ZSCAN18: variants seen among roughly 807,000 people sequenced by gnomAD.
The protein encoded by ZSCAN18 is zinc finger and SCAN domain containing 18, also known as zinc finger and SCAN domain-containing protein 18.
A neutral mutation model predicts 31.1 loss-of-function variants in ZSCAN18; 16 were observed. That is an observed-to-expected ratio of 0.51 (90% CI 0.35 to 0.78). ZSCAN18 has a LOEUF of 0.78. Ranked by LOEUF, ZSCAN18 falls within the 30% of genes least tolerant of loss-of-function variation. ZSCAN18 has a pLI of 0.01. For synonymous variants in ZSCAN18, 375 were observed against 320.7 expected, an observed-to-expected ratio of 1.17 and a Z score of -1.81; for missense variants, 731 against 697.4, an observed-to-expected ratio of 1.05 and a Z score of -0.54.
rs2074248587 is a variant in ZSCAN18 at position 58,085,240 on chromosome 19, TTCC to T, written c.975_977del (p.Glu327del). 1 of 1,607,060 alleles carries T rather than the reference TTCC, an allele frequency of 6.2e-7. No homozygotes were observed. The highest frequency in any genetic ancestry group is 8.5e-7 in the Non-Finnish European group (1 of 1,178,952). On this transcript the variant is annotated inframe_deletion, in exon 7 of 7. Transcript: ENST00000601144. ...GGTCCGGGGCCTTCCCAGGCTGCTC[TTCC>T]TCCTCCTCAGTGGTGCCCGACGGGG...
At chr19:58,103,769 T>C (rs887731020) in intron 1 of ZSCAN18, among the ~76,000 whole-genome samples, 1 of 149,486 alleles carries the variant, frequency 6.7e-6, no homozygotes, top group East Asian at 2.0e-4. Flanking sequence ...AATCAAAAGC[T>C]AGAAATGATT....
intron 1 of ZSCAN18, among the ~76,000 whole-genome samples, chr19:58,094,875 C>A (rs892223171): frequency 3.1e-5 from 2 of 64,328 alleles, no homozygotes; most frequent in African/African-American, 6.5e-5. Flanking sequence ...GAGACCCTGT[C>A]GCAAAAAAAA....
At chr19:58,085,582 C>G (rs2074261985) in intron 6 of ZSCAN18, 8 of 541,728 alleles carry the variant, frequency 1.5e-5, no homozygotes, top group Non-Finnish European at 2.2e-5. Context: ...AGATGTGGGA[C>G]CTGGAGGCCT....
intron 1 of ZSCAN18, among the ~76,000 whole-genome samples, chr19:58,094,281 G>T (rs1184346478): frequency 6.6e-6 from 1 of 151,532 alleles, no homozygotes; most frequent in Non-Finnish European, 1.5e-5. Context: ...CATGGTGGCA[G>T]GCGCCCGTAG....
At chr19:58,096,268 C>G (rs529179678) in intron 1 of ZSCAN18, among the ~76,000 whole-genome samples, 26 of 152,298 alleles carry the variant, frequency 1.7e-4, no homozygotes, top group African/African-American at 2.6e-4. Context: ...CCTGCCACAG[C>G]CTGCTTGAAT....
chr19:58,096,863 C>A (rs2074528247), intron 1 of ZSCAN18, among the ~76,000 whole-genome samples: 1 of 152,138 alleles, frequency 6.6e-6, no homozygotes, highest in Non-Finnish European at 1.5e-5. Flanking sequence ...GAGTAAGGGT[C>A]GTCGTTCACA....
intron 1 of ZSCAN18, among the ~76,000 whole-genome samples, chr19:58,106,139 C>T (rs2074632681): frequency 6.6e-6 from 1 of 152,166 alleles, no homozygotes; most frequent in Admixed American, 6.5e-5. Context: ...CAATGGCTCA[C>T]ACCTGTAATA....
rs554982958 is a variant in ZSCAN18, at chr19:58,094,653, G to A, written c.-120+3521C>T. 7.2e-5 allele frequency among the ~76,000 whole-genome samples: 11 copies of A among 151,940 alleles called. No individual in the cohort carries two copies. The South Asian group carries it at 2.3e-3, about 32-fold the overall frequency. Reference sequence around the variant, plus strand: ...AGCACTTTGGGAGGCCACGGTAGGTGGACAGCTTGAGCCCAGGAGCTCAAG... The same window carrying A: ...AGCACTTTGGGAGGCCACGGTAGGTAGACAGCTTGAGCCCAGGAGCTCAAG... On this transcript the variant is annotated intron_variant, in intron 1 of 6. Coordinates refer to ENST00000601144, the MANE Select transcript of ZSCAN18 (RefSeq NM_001145543.2).
chr19:58,084,978 C>T lies in ZSCAN18; in HGVS notation c.1240G>A (p.Ala414Thr). The change falls in exon 7 of 7, where the codon GCC becomes ACC. Residue 414 changes from alanine to threonine, a missense_variant. Ala to Thr is a moderately conservative substitution (Grantham distance 58, BLOSUM62 0). Coordinates refer to ENST00000601144, the MANE Select transcript of ZSCAN18 (RefSeq NM_001145543.2). The surrounding 1 kb of genome is among the most constrained non-coding windows in gnomAD (Gnocchi z 4.5). ...AAGGCCTCCCCGCACTCGCCGCAGG[C>T]ATAGGGCTTCCCGCGGGACAAGCCC... is the stretch of plus-strand genomic sequence containing the variant. ...EPGLSRGKPYACGECGEAFAW... is the reference protein window; with the variant it reads ...EPGLSRGKPYTCGECGEAFAW... The T allele has an allele frequency of 1.3e-6, 2 of 1,599,188 alleles. No individual in the cohort carries two copies. The highest frequency in any genetic ancestry group is 1.7e-6 in the Non-Finnish European group (2 of 1,174,272).
chr19:58,092,774 T>C, intron 1 of ZSCAN18: 2 of 817,912 alleles, frequency 2.4e-6, no homozygotes, highest in South Asian at 5.5e-5. Context: ...ACCTCTACTT[T>C]TTTTTTTTTT....
At position 58,090,730 on chromosome 19, in the gene ZSCAN18, C is replaced by A. The variant is rs556128061; in HGVS notation, c.-119-344G>T. 9 of 181,102 alleles carry A rather than the reference C, an allele frequency of 5.0e-5. No individual in the cohort carries two copies. In the East Asian group the frequency reaches 1.3e-3, roughly 27 times the overall value. 11.2% of individuals were successfully genotyped at this position (181,102 alleles called of 1,614,324 possible). ...TCAGTCTCTCCAGTAGCTGGAATTA[C>A]AAGCATGCACCACCACACCCAGCTA... On this transcript the variant is annotated intron_variant, in intron 1 of 6. Coordinates refer to ENST00000601144, the MANE Select transcript of ZSCAN18 (RefSeq NM_001145543.2). This position sits in a 1 kb window ranked among gnomAD's most constrained non-coding sequence, Gnocchi z 4.7.
rs1344625450 is a variant in ZSCAN18 at position 58,087,021 on chromosome 19, T to TCG, written c.643-15_643-14dup. 2.5e-6 allele frequency: 4 copies of TCG among 1,607,132 alleles called. No individual in the cohort carries two copies. The South Asian group carries it at 4.4e-5, about 18-fold the overall frequency. On this transcript the variant is annotated splice_polypyrimidine_tract_variant and intron_variant, in intron 4 of 6. Transcript: ENST00000601144. ...AGGACTTCAGCTTCTGAAACATTAG[T>TCG]CGTGGCTGAGACCTCCCACCTGCCC...
intron 6 of ZSCAN18, 178 bp from the exon 7 acceptor site, chr19:58,085,557 C>CACAT (rs2145965161): frequency 1.7e-6 from 1 of 585,638 alleles, no homozygotes; most frequent in East Asian, 3.2e-5. Flanking sequence ...GCGCATGCCC[C>CACAT]GCGCCTGCTG....
At chr19:58,095,851 G>T (rs2074511099) in intron 1 of ZSCAN18, among the ~76,000 whole-genome samples, 2 of 152,164 alleles carry the variant, frequency 1.3e-5, no homozygotes, top group Admixed American at 1.3e-4. Context: ...CTGCAAAGCA[G>T]AAGCTTCCAT....
chr19:58,115,828 T>C (rs2074724793), intron 1 of ZSCAN18, among the ~76,000 whole-genome samples: 1 of 152,192 alleles, frequency 6.6e-6, no homozygotes, highest in African/African-American at 2.4e-5. Flanking sequence ...ATCATGTACA[T>C]GTTTCTCTCA....
At chr19:58,100,940 C>T (rs2074588236), upstream of ZSCAN18, among the ~76,000 whole-genome samples, 1 of 152,036 alleles carries the variant, frequency 6.6e-6, no homozygotes, top group Non-Finnish European at 1.5e-5. Flanking sequence ...TGTTCTTGCA[C>T]CATCTGGAAA....
exon 1 of ZSCAN18, chr19:58,118,394 C>A (rs1437403592): frequency 2.6e-6 from 4 of 1,522,956 alleles, no homozygotes; most frequent in Middle Eastern, 1.7e-4. Context: ...CGACTCTCCG[C>A]ATGGGCGCGC....
At chr19:58,118,235 AG>A in intron 1 of ZSCAN18, 1 of 1,166,494 alleles carries the variant, frequency 8.6e-7, no homozygotes, top group Non-Finnish European at 1.2e-6. Context: ...GCCACCGCCC[AG>A]CCCCAGCCGC....
chr19:58,087,049 G>A (rs2074295380), intron 4 of ZSCAN18, 41 bp from the exon 5 acceptor site: 1 of 1,487,854 alleles, frequency 6.7e-7, no homozygotes, highest in South Asian at 1.2e-5. Flanking sequence ...ACCTGCCCTA[G>A]AGAAGGGAGG....
Sources: allele counts gnomAD v4.1 joint callset (sites outside exome capture counted in the v4.1 genomes callset), GRCh38; gene constraint gnomAD v4.1.1; non-coding constraint Gnocchi (gnomAD v3.1); transcripts MANE v1.5; gene names NCBI Gene and HGNC (gene_info 2026-07-23, HGNC 2026-07-21).